The following MGAT5 variants were observed in gnomAD, a reference collection of about 807,000 sequenced individuals.
MGAT5 encodes alpha-1,6-mannosylglycoprotein 6-beta-N-acetylglucosaminyltransferase, also known as alpha-1,6-mannosylglycoprotein 6-beta-N-acetylglucosaminyltransferase A.
In MGAT5, 30 loss-of-function variants were observed where a neutral mutation model predicts 94.3. That is an observed-to-expected ratio of 0.32 (90% CI 0.24 to 0.43). The LOEUF is 0.43. Among genes scored for constraint, MGAT5 ranks in the 20% least tolerant of loss-of-function variants. The pLI is 1.00. For synonymous variants in MGAT5, 310 were observed against 322.9 expected, an observed-to-expected ratio of 0.96 and a Z score of 0.43; for missense variants, 691 against 905.5, an observed-to-expected ratio of 0.76 and a Z score of 3.04.
intron 1 of MGAT5, among the ~76,000 whole-genome samples, chr2:134,224,809 A>C (rs749387245): frequency 6.6e-6 from 1 of 152,082 alleles, no homozygotes; most frequent in African/African-American, 2.4e-5. Context: ...CCAGGCATGG[A>C]GGCTCATACC....
intron 2 of MGAT5, among the ~76,000 whole-genome samples, chr2:134,285,186 TTG>T (rs1684929663): frequency 6.6e-6 from 1 of 152,156 alleles, no homozygotes; most frequent in Non-Finnish European, 1.5e-5. Context: ...TGTAGGAAAT[TTG>T]GAAAATACAG....
intron 10 of MGAT5, among the ~76,000 whole-genome samples, chr2:134,391,452 G>C (rs749904381): frequency 6.6e-6 from 1 of 152,186 alleles, no homozygotes; most frequent in Non-Finnish European, 1.5e-5. Flanking sequence ...CACAGTTCTG[G>C]AGGCTGAAAG....
At position 134,149,707 on chromosome 2, in the gene MGAT5, A is replaced by C. The variant is rs564420652; in HGVS notation, c.-143+29416A>C. ...AGTTGGTATCAGAGCTCCTGGCAGG[A>C]AACAATTCACCTCAGATGGTTTGAA... On this transcript the variant is annotated intron_variant, in intron 1 of 16. Transcript: ENST00000409645. 2.6e-5 allele frequency among the ~76,000 whole-genome samples: 4 copies of C among 152,374 alleles called. No individual in the cohort carries two copies. In the East Asian group the frequency reaches 7.7e-4, roughly 29 times the overall value.
intron 10 of MGAT5, among the ~76,000 whole-genome samples, chr2:134,400,191 A>G (rs13001159): frequency 0.19 from 28,431 of 152,160 alleles, 3,112 homozygotes; most frequent in Middle Eastern, 0.27. Context: ...GGAGTTTGGT[A>G]TGAGAGGCTT....
chr2:134,182,693 C>G (rs1254208596), intron 1 of MGAT5, among the ~76,000 whole-genome samples: 1 of 151,754 alleles, frequency 6.6e-6, no homozygotes, highest in Non-Finnish European at 1.5e-5. Context: ...TACTTAATCA[C>G]TGCATTGACT....
intron 13 of MGAT5, among the ~76,000 whole-genome samples, chr2:134,425,623 T>C (rs1238158033): frequency 6.6e-6 from 1 of 152,152 alleles, no homozygotes; most frequent in Non-Finnish European, 1.5e-5. Flanking sequence ...TCTAAGACCA[T>C]TTCTTATTGA....
intron 2 of MGAT5, among the ~76,000 whole-genome samples, chr2:134,312,059 G>T (rs904789594): frequency 6.6e-6 from 1 of 152,130 alleles, no homozygotes; most frequent in Non-Finnish European, 1.5e-5. Flanking sequence ...AGACCAGCCT[G>T]GCCAACATGG....
At chr2:134,245,739 G>T (rs574256012) in intron 1 of MGAT5, among the ~76,000 whole-genome samples, 1 of 152,228 alleles carries the variant, frequency 6.6e-6, no homozygotes, top group Non-Finnish European at 1.5e-5. Flanking sequence ...TGGGAATAGA[G>T]AGGGCAGGAA....
rs1004124352 is a variant in MGAT5 at position 134,261,346 on chromosome 2, G to C, written c.241+6702G>C. Among the ~76,000 whole-genome samples the C allele has an allele frequency of 2.0e-5, 3 of 152,092 alleles. No individual in the cohort carries two copies. In the East Asian group the frequency reaches 5.8e-4, roughly 29 times the overall value. ...AGCTGTGTCCTGGTGCTCTTTTGCTGTCAGAAGTGCTTGAGCAGACCTCTT... is the reference window on the plus strand; with the variant it reads ...AGCTGTGTCCTGGTGCTCTTTTGCTCTCAGAAGTGCTTGAGCAGACCTCTT... On this transcript the variant is annotated intron_variant, in intron 1 of 15. Coordinates refer to ENST00000281923, the MANE Select transcript of MGAT5 (RefSeq NM_002410.5).
chr2:134,145,214 C>CTCTCTGTGTGTGTGTG (rs373377770), intron 1 of MGAT5, among the ~76,000 whole-genome samples: 1,795 of 143,830 alleles, frequency 0.012, 11 homozygotes, highest in Middle Eastern at 0.025. Context: ...GTCTCTCTCT[C>CTCTCTGTGTGTGTGTG]TGTGTGTGTG....
chr2:134,372,314 G>A (rs1460514851), intron 10 of MGAT5, among the ~76,000 whole-genome samples: 1 of 152,180 alleles, frequency 6.6e-6, no homozygotes, highest in Non-Finnish European at 1.5e-5. Context: ...GGCTTCCAAG[G>A]ACTTGCCCCC....
chr2:134,123,213 C>G (rs1372138978), intron 1 of MGAT5, among the ~76,000 whole-genome samples: 1 of 152,168 alleles, frequency 6.6e-6, no homozygotes, highest in Admixed American at 6.5e-5. Context: ...TCCCCTGTTA[C>G]CCTAGCTGAC....
chr2:134,344,426 G>A (rs953737569), intron 7 of MGAT5, among the ~76,000 whole-genome samples: 1 of 152,036 alleles, frequency 6.6e-6, no homozygotes, highest in African/African-American at 2.4e-5. Flanking sequence ...TTAGAAAAAG[G>A]GGAGGGGAAG....
At chr2:134,431,699 A>G (rs1294311312) in intron 14 of MGAT5, among the ~76,000 whole-genome samples, 1 of 152,196 alleles carries the variant, frequency 6.6e-6, no homozygotes, top group Non-Finnish European at 1.5e-5. Flanking sequence ...AGAGTTCTCC[A>G]TGTGATCTGC....
At chr2:134,350,055 C>T in intron 9 of MGAT5, 117 bp downstream of exon 9, 3 of 1,091,348 alleles carry the variant, frequency 2.7e-6, no homozygotes, top group Non-Finnish European at 3.8e-6. Context: ...GAAGTGTGTG[C>T]TGTTGAACCT....
chr2:134,127,438 T>C (rs1685892903), intron 1 of MGAT5, among the ~76,000 whole-genome samples: 1 of 151,822 alleles, frequency 6.6e-6, no homozygotes, highest in South Asian at 2.1e-4. Context: ...CTTTTAGAGG[T>C]TCACCATTCC....
At chr2:134,146,862 A>G (rs887428635) in intron 1 of MGAT5, among the ~76,000 whole-genome samples, 2 of 152,184 alleles carry the variant, frequency 1.3e-5, no homozygotes, top group Non-Finnish European at 1.5e-5. Flanking sequence ...GTATTACTTC[A>G]TGAATGGAAG....
intron 10 of MGAT5, among the ~76,000 whole-genome samples, chr2:134,369,026 T>G (rs1422940019): frequency 6.7e-6 from 1 of 149,586 alleles, no homozygotes; most frequent in Admixed American, 6.6e-5. Flanking sequence ...AATCATATAA[T>G]TATCTTTTTT....
chr2:134,377,925 A>G (rs1039768636), intron 10 of MGAT5, among the ~76,000 whole-genome samples: 1 of 152,120 alleles, frequency 6.6e-6, no homozygotes, highest in Non-Finnish European at 1.5e-5. Context: ...AGCAGTTCTC[A>G]ACAGAGTCCA....
Sources: gnomAD v4.1 joint callset for allele counts (sites outside exome capture counted in the v4.1 genomes callset) on GRCh38, gnomAD v4.1.1 for gene constraint, MANE v1.5 for transcripts, NCBI Gene and HGNC (gene_info 2026-07-23, HGNC 2026-07-21) for gene names.